Variants in ATP9A observed in about 807,000 individuals in gnomAD.
ATP9A encodes the protein ATPase phospholipid transporting 9A, also known as probable phospholipid-transporting ATPase IIA.
ATP9A carries 52 observed loss-of-function variants against 144.1 expected under a neutral mutation model. The observed-to-expected ratio is 0.36, with a 90% CI of 0.29 to 0.45. The LOEUF (loss-of-function observed/expected upper bound fraction) is 0.45. Ranked by LOEUF, ATP9A falls within the 20% of genes least tolerant of loss-of-function variation. The probability of loss-of-function intolerance (pLI) is 1.00; values close to 1 mark genes in which losing one functional copy is unlikely to be tolerated. For missense variants in ATP9A, 947 were observed against 1,392.7 expected (o/e 0.68, Z 5.09); for synonymous variants, 582 against 557.4 (o/e 1.04, Z -0.62).
chr20:51,760,470 T>G (rs6096565), intron 1 of ATP9A, among the ~76,000 whole-genome samples: 62,946 of 151,994 alleles, frequency 0.41, 15,387 homozygotes, highest in African/African-American at 0.68. Context: ...CTCACATCTG[T>G]AATCCCAGCA....
intron 15 of ATP9A, among the ~76,000 whole-genome samples, chr20:51,635,624 C>G (rs978328321): frequency 1.3e-5 from 2 of 151,632 alleles, no homozygotes; most frequent in Admixed American, 1.3e-4. Flanking sequence ...GTAGTCCCAG[C>G]TACTTGGGAG....
Position 51,604,961 on chromosome 20 carries a change from C to T in ATP9A, c.2863G>A (p.Ala955Thr). 6.2e-7 allele frequency: 1 copy of T among 1,613,186 alleles called. No individual in the cohort carries two copies. The highest frequency in any genetic ancestry group is 8.5e-7 in the Non-Finnish European group (1 of 1,179,590). The part of the protein sequence containing the change: ...LFESEFVHIV[A>T]ISFTSLILTE... ...AGGATCAGCGAGGTGAAGGAGATGG[C>T]CACGATGTGCACGAACTCCGACTCA... Residue 955 changes from alanine to threonine, a missense_variant, in exon 27 of 28, where the codon GCC (alanine) becomes ACC (threonine). By Grantham distance (58) the Ala-to-Thr change is moderately conservative. Transcript: ENST00000338821.
intron 4 of ATP9A, among the ~76,000 whole-genome samples, chr20:51,706,721 G>A (rs1249063067): frequency 6.6e-6 from 1 of 152,216 alleles, no homozygotes; most frequent in Non-Finnish European, 1.5e-5. Flanking sequence ...CTGTACTCCA[G>A]CCTGGGTGAC....
intron 13 of ATP9A, among the ~76,000 whole-genome samples, chr20:51,668,232 T>C (rs2077442084): frequency 6.8e-6 from 1 of 147,540 alleles, no homozygotes; most frequent in African/African-American, 2.5e-5. Context: ...GAGCAGGTAC[T>C]GGAGAAGGGG....
At position 51,719,749 on chromosome 20, in the gene ATP9A, G is replaced by GAAA. The variant is rs1343871320; in HGVS notation, c.327+6069_327+6070insTTT. On this transcript the variant is annotated intron_variant, in intron 3 of 27. Coordinates refer to ENST00000338821, the MANE Select transcript of ATP9A (RefSeq NM_006045.3). ...TCTGTCTCAAAAAAAAAAAAAAGGG[G>GAAA]GGGGAAGAAGAAACGGGCTGGGCAC... Among the ~76,000 whole-genome samples the GAAA allele has an allele frequency of 1.4e-4, 18 of 128,578 alleles. 2 individuals carry two copies. The highest frequency in any genetic ancestry group is 1.4e-4 in the Non-Finnish European group (9 of 63,962). The allele number at this position is 128,578 out of a possible 152,430, so 84.4% of individuals were successfully genotyped here.
At chr20:51,622,568 G>T (rs375128646) in intron 18 of ATP9A, among the ~76,000 whole-genome samples, 5 of 152,198 alleles carry the variant, frequency 3.3e-5, no homozygotes, top group African/African-American at 1.2e-4. Context: ...CATTTTTGAC[G>T]CTGTGGACTT....
intron 14 of ATP9A, among the ~76,000 whole-genome samples, chr20:51,649,370 T>C (rs1394556609): frequency 1.3e-5 from 2 of 152,166 alleles, no homozygotes; most frequent in Non-Finnish European, 2.9e-5. Flanking sequence ...TATGCGACCA[T>C]GGGAACTTTC....
At chr20:51,639,025 T>C (rs1411522629) in intron 15 of ATP9A, among the ~76,000 whole-genome samples, 1 of 145,788 alleles carries the variant, frequency 6.9e-6, no homozygotes, top group Non-Finnish European at 1.5e-5. Context: ...GATTATATTA[T>C]GTGAATTTCA....
chr20:51,748,774 G>A (rs1334118317), intron 1 of ATP9A, among the ~76,000 whole-genome samples: 1 of 152,098 alleles, frequency 6.6e-6, no homozygotes, highest in African/African-American at 2.4e-5. Flanking sequence ...TCTAGTAATA[G>A]TAAACCATTA....
chr20:51,731,690 G>C (rs1601134402), intron 1 of ATP9A, among the ~76,000 whole-genome samples: 1 of 151,664 alleles, frequency 6.6e-6, no homozygotes, highest in East Asian at 1.9e-4. Context: ...CTGCACTCCA[G>C]CCTGGGTGAC....
At chr20:51,697,549 A>G in intron 4 of ATP9A, 67 bp from the exon 5 acceptor site, 1 of 1,490,458 alleles carries the variant, frequency 6.7e-7, no homozygotes, top group Admixed American at 1.7e-5. Flanking sequence ...GTCTTTACAG[A>G]GTGCCCAGCC....
At chr20:51,757,774 T>C (rs1306170280) in intron 1 of ATP9A, among the ~76,000 whole-genome samples, 1 of 151,972 alleles carries the variant, frequency 6.6e-6, no homozygotes, top group African/African-American at 2.4e-5. Flanking sequence ...GGTATGGTGG[T>C]GCATGTTTGT....
intron 14 of ATP9A, among the ~76,000 whole-genome samples, chr20:51,654,396 C>T (rs1294206706): frequency 4.6e-5 from 7 of 151,976 alleles, no homozygotes; most frequent in African/African-American, 1.7e-4. Flanking sequence ...CGCCAGGAAC[C>T]GCAGGCTCAC....
chr20:51,658,569 G>A (rs1313181950), intron 13 of ATP9A, among the ~76,000 whole-genome samples: 2 of 143,828 alleles, frequency 1.4e-5, no homozygotes, highest in East Asian at 2.1e-4. Flanking sequence ...ACCCAGGCTG[G>A]AGTGCAGTGG....
At chr20:51,684,422 C>T (rs1337952032) in intron 9 of ATP9A, among the ~76,000 whole-genome samples, 2 of 152,170 alleles carry the variant, frequency 1.3e-5, no homozygotes, top group Admixed American at 1.3e-4. Context: ...TACGGCCAGG[C>T]GCGGTGGCTC....
At chr20:51,727,284 A>C (rs1418480367) in intron 2 of ATP9A, among the ~76,000 whole-genome samples, 1 of 151,798 alleles carries the variant, frequency 6.6e-6, no homozygotes, top group Admixed American at 6.6e-5. Context: ...CAAAAAAAAA[A>C]AAAGTTACGT....
chr20:51,760,725 CA>C lies in ATP9A; in HGVS notation c.68+7576del, dbSNP rs397864467. The stretch of plus-strand genomic sequence containing the variant: ...TGGGCGACAGAGCAAGACTCCGTCT[CA>C]AAAAAAAAAAAAAAAATGCCAGGTG... On this transcript the variant is annotated intron_variant, in intron 1 of 27. Coordinates refer to ENST00000338821, the MANE Select transcript of ATP9A (RefSeq NM_006045.3). Among the ~76,000 whole-genome samples the C allele has an allele frequency of 1.4e-3, 150 of 105,430 alleles. 1 individual carries two copies. Among genetic ancestry groups the C allele is most frequent in the East Asian group, 4.1e-3 (13 of 3,172 alleles). 69.2% of individuals were successfully genotyped at this position (105,430 alleles called of 152,430 possible).
chr20:51,608,447 C>G, intron 25 of ATP9A, 71 bp downstream of exon 25: 1 of 970,474 alleles, frequency 1.0e-6, no homozygotes, highest in South Asian at 1.3e-5. Context: ...AGAAAAAAAG[C>G]AGGGAGGGAG....
At chr20:51,726,223 G>C (rs2049169556) in intron 2 of ATP9A, among the ~76,000 whole-genome samples, 1 of 140,530 alleles carries the variant, frequency 7.1e-6, no homozygotes, top group Admixed American at 8.0e-5. Flanking sequence ...TGAAGCAGGA[G>C]AATTGCTTGA....
Sources: allele counts gnomAD v4.1 joint callset (sites outside exome capture counted in the v4.1 genomes callset), GRCh38; gene constraint gnomAD v4.1.1; transcripts MANE v1.5; gene names NCBI Gene and HGNC (gene_info 2026-07-23, HGNC 2026-07-21).